SLC24A2: variants seen among roughly 807,000 people sequenced by gnomAD.
SLC24A2 encodes sodium/potassium/calcium exchanger 2.
A neutral mutation model predicts 62.0 loss-of-function variants in SLC24A2; 36 were observed. The observed-to-expected ratio is 0.58, with a 90% CI of 0.44 to 0.77. The LOEUF is 0.77. SLC24A2 is among the 30% of genes least tolerant of loss of function. The pLI, the probability that SLC24A2 is intolerant of heterozygous loss-of-function variation, is 0.00. For synonymous variants in SLC24A2, 358 were observed against 294.0 expected, an observed-to-expected ratio of 1.22 and a Z score of -2.23; for missense variants, 846 against 817.9, an observed-to-expected ratio of 1.03 and a Z score of -0.42.
At chr9:20,117,815 A>G in the SLC24A2 span, among the ~76,000 whole-genome samples, 2 of 152,158 alleles carry the variant, frequency 1.3e-5, no homozygotes, top group Non-Finnish European at 2.9e-5. Context: ...TTATACATGA[A>G]TTACCTCATT....
chr9:20,138,108 C>CT, the SLC24A2 span, among the ~76,000 whole-genome samples: 6 of 152,016 alleles, frequency 3.9e-5, no homozygotes, highest in Non-Finnish European at 7.4e-5. Context: ...ACCAAGGTAA[C>CT]TTTTTTTTAA....
At chr9:20,123,348 G>A in the SLC24A2 span, among the ~76,000 whole-genome samples, 250 of 152,060 alleles carry the variant, frequency 1.6e-3, no homozygotes, top group African/African-American at 4.7e-3. Context: ...ATTTTTGGAG[G>A]GCATCAACAT....
intron 2 of SLC24A2, among the ~76,000 whole-genome samples, chr9:19,730,758 C>T (rs543257952): frequency 3.3e-5 from 5 of 152,100 alleles, no homozygotes; most frequent in East Asian, 3.9e-4. Context: ...TTTAAACATG[C>T]TTAAAATATT....
chr9:19,793,728 A>C (rs1823346243), upstream of SLC24A2, among the ~76,000 whole-genome samples: 1 of 152,180 alleles, frequency 6.6e-6, no homozygotes, highest in Non-Finnish European at 1.5e-5. Context: ...CCAAAGCCCG[A>C]GTTCTACTAT....
At chr9:19,538,922 T>C (rs1471506638) in intron 8 of SLC24A2, among the ~76,000 whole-genome samples, 1 of 130,392 alleles carries the variant, frequency 7.7e-6, no homozygotes, top group Non-Finnish European at 1.6e-5. Flanking sequence ...TTCTTCCTGG[T>C]TTAGTCTTGG....
chr9:19,673,227 G>A (rs1274250052), intron 2 of SLC24A2, among the ~76,000 whole-genome samples: 2 of 146,184 alleles, frequency 1.4e-5, no homozygotes, highest in Admixed American at 6.7e-5. Context: ...TCAGTGTTAG[G>A]TGCATATATA....
chr9:20,112,946 G>A, the SLC24A2 span, among the ~76,000 whole-genome samples: 2 of 151,960 alleles, frequency 1.3e-5, no homozygotes, highest in African/African-American at 2.4e-5. Flanking sequence ...AGAGACACAC[G>A]GTTAGGGCTG....
chr9:20,036,773 G>C, the SLC24A2 span, among the ~76,000 whole-genome samples: 10 of 151,988 alleles, frequency 6.6e-5, no homozygotes, highest in African/African-American at 2.4e-4. Flanking sequence ...AATGCAGGAT[G>C]CTTGATTCCC....
the SLC24A2 span, among the ~76,000 whole-genome samples, chr9:19,942,339 T>C: frequency 1.3e-5 from 2 of 152,194 alleles, no homozygotes; most frequent in Non-Finnish European, 2.9e-5. Context: ...ACTATTATCA[T>C]TGCCATTTTA....
the SLC24A2 span, among the ~76,000 whole-genome samples, chr9:20,276,145 T>C: frequency 6.6e-6 from 1 of 152,188 alleles, no homozygotes; most frequent in South Asian, 2.1e-4. Flanking sequence ...CATTTCAGCC[T>C]TAACTCAAAA....
chr9:20,197,879 G>A, the SLC24A2 span, among the ~76,000 whole-genome samples: 9 of 152,274 alleles, frequency 5.9e-5, no homozygotes, highest in Admixed American at 3.9e-4. Context: ...AGTCACTCAT[G>A]AATGTAAAGG....
the SLC24A2 span, among the ~76,000 whole-genome samples, chr9:20,032,534 G>C: frequency 6.6e-6 from 1 of 152,040 alleles, no homozygotes; most frequent in Non-Finnish European, 1.5e-5. Context: ...CCCAAGGGTC[G>C]GGTTACCATT....
At chr9:20,276,109 C>T in the SLC24A2 span, among the ~76,000 whole-genome samples, 1 of 152,194 alleles carries the variant, frequency 6.6e-6, no homozygotes, top group Non-Finnish European at 1.5e-5. Context: ...ATCACACCTT[C>T]CCAACAGTCC....
At chr9:19,796,069 C>A in the SLC24A2 span, among the ~76,000 whole-genome samples, 1 of 137,884 alleles carries the variant, frequency 7.3e-6, no homozygotes, top group African/African-American at 2.8e-5. Flanking sequence ...GGAATTGAAC[C>A]ATGAGAACAC....
chr9:20,046,347 G>A, the SLC24A2 span, among the ~76,000 whole-genome samples: 1,978 of 152,338 alleles, frequency 0.013, 53 homozygotes, highest in African/African-American at 0.045. Context: ...AGGTTTCTCT[G>A]TTGCATCTGG....
the SLC24A2 span, among the ~76,000 whole-genome samples, chr9:19,814,822 T>C: frequency 3.9e-5 from 6 of 152,226 alleles, no homozygotes. Context: ...AAATGAATCC[T>C]GTTTAGAAAA....
intron 9 of SLC24A2, among the ~76,000 whole-genome samples, chr9:19,523,467 A>G (rs2225144): frequency 0.32 from 48,516 of 152,002 alleles, 8,385 homozygotes; most frequent in East Asian, 0.55. Flanking sequence ...TTTTTAACTT[A>G]ATATGTTTTT....
At chr9:19,829,806 T>TAC in the SLC24A2 span, among the ~76,000 whole-genome samples, 263 of 111,676 alleles carry the variant, frequency 2.4e-3, 1 homozygote, top group Non-Finnish European at 3.5e-3. Flanking sequence ...TGTATATATA[T>TAC]ATATACACAC....
chr9:19,996,665 C>G, the SLC24A2 span, among the ~76,000 whole-genome samples: 1 of 149,920 alleles, frequency 6.7e-6, no homozygotes, highest in Non-Finnish European at 1.5e-5. Context: ...TCGCTTGAAC[C>G]TGGGAGGTGG....
Sources: gnomAD v4.1 joint callset for allele counts (sites outside exome capture counted in the v4.1 genomes callset) on GRCh38, gnomAD v4.1.1 for gene constraint, MANE v1.5 for transcripts, NCBI Gene and HGNC (gene_info 2026-07-23, HGNC 2026-07-21) for gene names.